The following OSBPL8 variants were observed in gnomAD, a reference collection of about 807,000 sequenced individuals.
The protein encoded by OSBPL8 is oxysterol-binding protein-related protein 8.
In OSBPL8, 59 loss-of-function variants were observed where a neutral mutation model predicts 125.5. That is an observed-to-expected ratio of 0.47 (90% CI 0.38 to 0.58). The LOEUF is 0.58. Ranked by LOEUF, OSBPL8 falls within the 20% of genes least tolerant of loss-of-function variation. The pLI is 0.00. For missense variants in OSBPL8, 758 were observed against 1,047.8 expected, an observed-to-expected ratio of 0.72 and a Z score of 3.82; for synonymous variants, 330 against 338.9, an observed-to-expected ratio of 0.97 and a Z score of 0.29.
At chr12:76,541,464 A>G (rs1950643782) in intron 1 of OSBPL8, among the ~76,000 whole-genome samples, 1 of 149,460 alleles carries the variant, frequency 6.7e-6, no homozygotes, top group Admixed American at 6.7e-5. Flanking sequence ...GGTGACACAG[A>G]GCAAGACTGT....
chr12:76,482,816 T>C (rs945794461), intron 2 of OSBPL8, among the ~76,000 whole-genome samples: 6 of 152,216 alleles, frequency 3.9e-5, no homozygotes, highest in African/African-American at 1.4e-4. Context: ...TATTAAAAAG[T>C]ATTCTCATGT....
chr12:76,518,860 T>C (rs1881804233), intron 1 of OSBPL8, among the ~76,000 whole-genome samples: 1 of 152,176 alleles, frequency 6.6e-6, no homozygotes, highest in Non-Finnish European at 1.5e-5. Context: ...CTGGGACAGG[T>C]CCCTGAAACC....
rs1878488749 is a variant in OSBPL8, at chr12:76,489,471, C to T, written c.-67-1853G>A. ...TTGAAGCCAATGTTCATTTACCATTCCAAAAATTCTAGGGCCCTTTCAAGA... is the reference window on the plus strand; with the variant it reads ...TTGAAGCCAATGTTCATTTACCATTTCAAAAATTCTAGGGCCCTTTCAAGA... On this transcript the variant is annotated intron_variant, in intron 1 of 23. Transcript: ENST00000261183. Among the ~76,000 whole-genome samples the T allele has an allele frequency of 2.0e-5, 3 of 152,170 alleles. No individual in the cohort carries two copies. The South Asian group carries it at 6.2e-4, about 32-fold the overall frequency.
At chr12:76,377,082 A>G (rs1256738331) in intron 16 of OSBPL8, among the ~76,000 whole-genome samples, 2 of 152,116 alleles carry the variant, frequency 1.3e-5, no homozygotes, top group African/African-American at 4.8e-5. Flanking sequence ...AGCTTCATCC[A>G]TGTCCCTGCA....
In OSBPL8 at chr12:76,396,259, A is replaced by G. The variant is rs191641330; in HGVS notation, c.672+1435T>C. ...CTCGCTGTGACTCCCGACTACTGAA[A>G]TAACGATTAAAAAGTCCAAGTCTTT... On this transcript the variant is annotated intron_variant, in intron 8 of 23. Coordinates refer to ENST00000261183, the MANE Select transcript of OSBPL8 (RefSeq NM_020841.5). 2.6e-5 allele frequency among the ~76,000 whole-genome samples: 4 copies of G among 152,248 alleles called. No homozygotes were observed. The East Asian group carries it at 7.7e-4, about 29-fold the overall frequency.
chr12:76,382,529 C>T (rs1318867119), intron 15 of OSBPL8, among the ~76,000 whole-genome samples: 2 of 152,144 alleles, frequency 1.3e-5, no homozygotes, highest in Non-Finnish European at 2.9e-5. Context: ...TGTCTTCAGA[C>T]ATTGCCAAAT....
intron 1 of OSBPL8, among the ~76,000 whole-genome samples, chr12:76,557,335 C>T (rs1301200634): frequency 6.6e-6 from 1 of 151,896 alleles, no homozygotes. Flanking sequence ...ACAAAAGATC[C>T]GCCAGACACA....
At position 76,559,417 on chromosome 12, in the gene OSBPL8, G is replaced by C. The variant is rs1460175155; in HGVS notation, c.-88C>G. On this transcript the variant is annotated 5_prime_UTR_variant, in exon 1 of 24. Transcript: ENST00000261183. ...CTCACCCGTGCGGAGCTCCCAGGGA[G>C]GCGGGACGCAAGGAGCCGGTTCCTC... is the stretch of plus-strand genomic sequence containing the variant. The C allele has an allele frequency of 6.6e-6, 1 of 152,432 alleles. No homozygotes were observed. Among genetic ancestry groups the C allele is most frequent in the Admixed American group, 6.5e-5 (1 of 15,290 alleles). The allele number at this position is 152,432 out of a possible 1,614,324, so 9.4% of individuals were successfully genotyped here. A position where few individuals can be genotyped will look rare whatever the true frequency, so the allele number is the denominator to read the frequency against.
At chr12:76,504,980 AC>A (rs1440723735) in intron 1 of OSBPL8, among the ~76,000 whole-genome samples, 2 of 151,892 alleles carry the variant, frequency 1.3e-5, no homozygotes, top group Non-Finnish European at 2.9e-5. Context: ...ATTTTCCCAC[AC>A]CCCATGACTG....
chr12:76,540,664 A>C (rs2137418874), intron 1 of OSBPL8, among the ~76,000 whole-genome samples: 1 of 151,974 alleles, frequency 6.6e-6, no homozygotes, highest in African/African-American at 2.4e-5. Flanking sequence ...ACATTGATAT[A>C]ATAATCATAT....
intron 1 of OSBPL8, among the ~76,000 whole-genome samples, chr12:76,495,073 C>T (rs1006528004): frequency 6.6e-6 from 1 of 152,206 alleles, no homozygotes; most frequent in Non-Finnish European, 1.5e-5. Context: ...GCTGCCTTCT[C>T]TCTATTCCAA....
chr12:76,362,434 C>T (rs1165504556), intron 21 of OSBPL8, among the ~76,000 whole-genome samples: 1 of 152,168 alleles, frequency 6.6e-6, no homozygotes, highest in African/African-American at 2.4e-5. Context: ...ACAAAAACCA[C>T]ATGATTATCT....
intron 2 of OSBPL8, among the ~76,000 whole-genome samples, chr12:76,483,815 C>T (rs1036002207): frequency 6.6e-6 from 1 of 151,394 alleles, no homozygotes; most frequent in East Asian, 2.0e-4. Context: ...GCTGGGATTA[C>T]AGGTGCCCGC....
intron 2 of OSBPL8, among the ~76,000 whole-genome samples, chr12:76,460,588 T>C (rs1174801877): frequency 1.3e-5 from 2 of 151,764 alleles, no homozygotes; most frequent in Non-Finnish European, 2.9e-5. Context: ...TCAAGCATAG[T>C]ATTTGGAGCT....
At chr12:76,367,344 AACC>A (rs1952459321) in intron 21 of OSBPL8, among the ~76,000 whole-genome samples, 1 of 151,986 alleles carries the variant, frequency 6.6e-6, no homozygotes, top group East Asian at 1.9e-4. Flanking sequence ...CTGACAGTAT[AACC>A]ACCTCAGTTT....
intron 4 of OSBPL8, among the ~76,000 whole-genome samples, chr12:76,435,587 TA>T: frequency 6.6e-6 from 1 of 152,278 alleles, no homozygotes; most frequent in African/African-American, 2.4e-5. Context: ...ATAGAAATGT[TA>T]AGTAGCTTGA....
At chr12:76,398,441 T>G (rs2136335115) in intron 7 of OSBPL8, among the ~76,000 whole-genome samples, 1 of 152,272 alleles carries the variant, frequency 6.6e-6, no homozygotes, top group African/African-American at 2.4e-5. Context: ...AGTATGCCAT[T>G]TAAATTTATT....
At chr12:76,496,873 T>C (rs1248503836) in intron 1 of OSBPL8, among the ~76,000 whole-genome samples, 1 of 151,664 alleles carries the variant, frequency 6.6e-6, no homozygotes, top group South Asian at 2.1e-4. Flanking sequence ...TGTAGAGATG[T>C]GGTGTCACTC....
intron 1 of OSBPL8, among the ~76,000 whole-genome samples, chr12:76,554,700 T>A (rs1951044075): frequency 6.6e-6 from 1 of 152,230 alleles, no homozygotes; most frequent in Non-Finnish European, 1.5e-5. Context: ...TCCCTCTGAA[T>A]CTATCAAGTT....
Sources: gnomAD v4.1 joint callset for allele counts (sites outside exome capture counted in the v4.1 genomes callset) on GRCh38, gnomAD v4.1.1 for gene constraint, MANE v1.5 for transcripts, NCBI Gene and HGNC (gene_info 2026-07-23, HGNC 2026-07-21) for gene names.